Variants in PRSS36 observed in about 807,000 individuals in gnomAD.
The protein encoded by PRSS36 is serine protease 36.
A neutral mutation model predicts 94.3 loss-of-function variants in PRSS36; 90 were observed. The ratio of observed to expected loss-of-function variants is 0.95; its 90% confidence interval spans 0.80 to 1.14. The LOEUF is 1.14. Among genes scored for constraint, PRSS36 ranks in the 50% most tolerant of loss-of-function variants. The pLI is 0.00. For missense variants in PRSS36, 1,158 were observed against 1,135.0 expected (o/e 1.02, Z -0.29); for synonymous variants, 500 against 489.6 (o/e 1.02, Z -0.28).
intron 1 of PRSS36, 57 bp downstream of exon 1, chr16:31,149,942 G>A (rs1402540776): frequency 9.4e-6 from 15 of 1,594,628 alleles, no homozygotes; most frequent in Non-Finnish European, 1.3e-5. Flanking sequence ...CTGCTCTCCA[G>A]CCCCCCAGAT....
intron 6 of PRSS36, among the ~76,000 whole-genome samples, chr16:31,145,095 C>T (rs1032613900): frequency 7.3e-5 from 11 of 151,244 alleles, no homozygotes; most frequent in Non-Finnish European, 1.0e-4. Context: ...CTCGGCCGGG[C>T]GCGGTGGCTC....
At chr16:31,147,628 C>A (rs1291895003) in intron 5 of PRSS36, among the ~76,000 whole-genome samples, 2 of 152,138 alleles carry the variant, frequency 1.3e-5, no homozygotes, top group African/African-American at 4.8e-5. Context: ...GCTTGTCTAT[C>A]TCCTAGGATG....
chr16:31,140,736 AG>A lies in PRSS36; in HGVS notation c.1922del (p.Pro641LeufsTer45), dbSNP rs1478705760. On this transcript the variant is annotated frameshift_variant, in exon 13 of 15. Coordinates refer to ENST00000268281, the MANE Select transcript of PRSS36 (RefSeq NM_173502.5). LOFTEE classifies it high-confidence loss of function. ...CVLRPGSTTV[P>X]YIEVYLGRAG... is the part of the protein sequence containing the mutation. ...CCCGGCCCAGATACACTTCAATGTA[AG>A]GCACTGTTGTAGAGCCTGGCCTGTT... 1 of 1,614,028 alleles carries A rather than the reference AG, an allele frequency of 6.2e-7. No individual in the cohort carries two copies. Among genetic ancestry groups the A allele is most frequent in the East Asian group, 2.2e-5 (1 of 44,876 alleles).
At chr16:31,144,774 G>A (rs1374634684) in intron 6 of PRSS36, among the ~76,000 whole-genome samples, 2 of 151,916 alleles carry the variant, frequency 1.3e-5, no homozygotes, top group African/African-American at 2.4e-5. Context: ...TGGGCAACAA[G>A]AGCAAAACTC....
rs767432577 is a variant in PRSS36, at chr16:31,148,496, A to G, written c.452T>C (p.Leu151Pro). 2.5e-6 allele frequency: 4 copies of G among 1,580,350 alleles called. No individual in the cohort carries two copies. The highest frequency in any genetic ancestry group is 3.4e-6 in the Non-Finnish European group (4 of 1,168,336). The change falls in exon 5 of 15, where the codon CTG becomes CCG. Residue 151 changes from leucine (L) to proline (P), a missense_variant. Transcript: ENST00000268281. Reference protein sequence around the residue: ...ALLRLASPASLGPAVWPVCLP... With the variant: ...ALLRLASPASPGPAVWPVCLP... ...GCAGACAGGCCACACGGCGGGGCCC[A>G]GGCTGGCGGGTGAGGCCAGGCGCAG...
chr16:31,143,987 C>T (rs1189635275), intron 6 of PRSS36, 150 bp from the exon 7 acceptor site: 1 of 1,000,548 alleles, frequency 1.0e-6, no homozygotes, highest in Non-Finnish European at 1.4e-6. Flanking sequence ...CCCTGCGGCT[C>T]TAAACAGAAG....
At position 31,139,067 on chromosome 16, in the gene PRSS36, C is replaced by A; in HGVS notation, c.*71G>T. ...GCCCTTGAGGTTCCAGCCGGCTGGG[C>A]CACATTCCAGCCCCACTGGGCGGGA... On this transcript the variant is annotated 3_prime_UTR_variant, in exon 15 of 15. Transcript: ENST00000268281. The A allele has an allele frequency of 6.7e-7, 1 of 1,483,704 alleles. No homozygotes were observed. 91.9% of individuals were successfully genotyped at this position (1,483,704 alleles called of 1,614,324 possible).
Position 31,149,107 on chromosome 16 carries a change from A to AG in PRSS36, c.237dup (p.Ser80LeufsTer163). 6.3e-7 allele frequency: 1 copy of AG among 1,591,298 alleles called. No homozygotes were observed. Among genetic ancestry groups the AG allele is most frequent in the Non-Finnish European group, 8.5e-7 (1 of 1,170,792 alleles). ...CAGTGAGCAGCGGAGAGGACCCAGG[A>AG]GGGGGCGATGAGGGAGCCCCCGCAG... On this transcript the variant is annotated frameshift_variant, in exon 4 of 15. Coordinates refer to ENST00000268281, the MANE Select transcript of PRSS36 (RefSeq NM_173502.5). LOFTEE classifies it high-confidence loss of function.
At chr16:31,140,208 A>G in intron 14 of PRSS36, 86 bp downstream of exon 14, 1 of 1,427,996 alleles carries the variant, frequency 7.0e-7, no homozygotes, top group Non-Finnish European at 9.3e-7. Flanking sequence ...AAAAAAAAAA[A>G]AATTCCAATT....
In PRSS36 at chr16:31,150,025, T is replaced by G. The variant is rs1327337467; in HGVS notation, c.11A>C (p.His4Pro). The G allele has an allele frequency of 6.2e-7, 1 of 1,613,774 alleles. No homozygotes were observed. Among genetic ancestry groups the G allele is most frequent in the Non-Finnish European group, 8.5e-7 (1 of 1,179,976 alleles). The change falls in exon 1 of 15, where the codon CAC (histidine) becomes CCC (proline). Residue 4 changes from histidine (H) to proline (P), a missense_variant. Physicochemically the swap from His to Pro is moderately conservative, Grantham distance 77 (BLOSUM62 -2). Coordinates refer to ENST00000268281, the MANE Select transcript of PRSS36 (RefSeq NM_173502.5). MAR[H>P]LLLPLVMLVI... ...AAGCATCACAAGGGGGAGGAGCAGG[T>G]GCCGGGCCATGGCGCTAGAGTCAGC...
chr16:31,140,483 GGGTCTCACCTC>G lies in PRSS36; in HGVS notation c.2165_2167+8del. The G allele has an allele frequency of 6.3e-7, 1 of 1,590,582 alleles. No homozygotes were observed. Among genetic ancestry groups the G allele is most frequent in the Admixed American group, 1.7e-5 (1 of 58,362 alleles). On this transcript the variant is annotated splice_donor_variant and splice_donor_5th_base_variant and coding_sequence_variant and intron_variant, in exon 13 of 15. Transcript: ENST00000268281. LOFTEE classifies it high-confidence loss of function. ...GCTACTCCTCGTTCCCGTGACCCAGGGGTCTCACCTCGGTCCTGGGGTTCTTTCCAGCCCAA... is the reference window on the plus strand; with the variant it reads ...GCTACTCCTCGTTCCCGTGACCCAGGGGTCCTGGGGTTCTTTCCAGCCCAA...
Position 31,149,794 on chromosome 16 carries a change from A to G in PRSS36, c.38-63T>C, listed in dbSNP as rs367968884. ...TCGCACTCAGTATGTGCCCTCCCTG[A>G]CTCCCTCCCCCAGCCTCCTAGCCTC... is the stretch of plus-strand genomic sequence containing the variant. On this transcript the variant is annotated intron_variant, in intron 1 of 14. Coordinates refer to ENST00000268281, the MANE Select transcript of PRSS36 (RefSeq NM_173502.5). The G allele has an allele frequency of 6.2e-6, 10 of 1,607,476 alleles. No individual in the cohort carries two copies. In the East Asian group the frequency reaches 2.2e-4, roughly 36 times the overall value.
Position 31,142,658 on chromosome 16 carries a change from G to T in PRSS36, c.1358-14C>A. ...CAAGCGCGGGTTCTGGAAGGGAAAA[G>T]GCAGGGAGCCCGCGCTGCGGCCCAG... On this transcript the variant is annotated splice_polypyrimidine_tract_variant and intron_variant, in intron 9 of 14. Transcript: ENST00000268281. 1 of 1,432,530 alleles carries T rather than the reference G, an allele frequency of 7.0e-7. No individual in the cohort carries two copies. The highest frequency in any genetic ancestry group is 9.1e-7 in the Non-Finnish European group (1 of 1,093,596). The allele number at this position is 1,432,530 out of a possible 1,614,324, so 88.7% of individuals were successfully genotyped here.
At position 31,143,798 on chromosome 16, in the gene PRSS36, G is replaced by A. The variant is rs745756648; in HGVS notation, c.760C>T (p.Arg254Cys). 6.8e-6 allele frequency: 11 copies of A among 1,613,794 alleles called. No homozygotes were observed. Among genetic ancestry groups the A allele is most frequent in the South Asian group, 1.1e-5 (1 of 91,086 alleles). Reference protein sequence around the residue: ...GGPLVCEEGGRWFQAGITSFG... With the variant: ...GGPLVCEEGGCWFQAGITSFG... Reference sequence around the variant, plus strand: ...CTGGTGATTCCTGCCTGGAACCAGCGGCCGCCTTCCTCACAGACCAGGGGC... The same window carrying A: ...CTGGTGATTCCTGCCTGGAACCAGCAGCCGCCTTCCTCACAGACCAGGGGC... Residue 254 changes from arginine to cysteine, a missense_variant, in exon 7 of 15, where the codon CGC (arginine) becomes TGC (cysteine). Transcript: ENST00000268281.
intron 6 of PRSS36, among the ~76,000 whole-genome samples, chr16:31,145,437 A>G (rs2057784094): frequency 6.6e-6 from 1 of 151,678 alleles, no homozygotes; most frequent in Non-Finnish European, 1.5e-5. Context: ...AAATAAATAA[A>G]TACATAAATA....
chr16:31,145,831 C>T lies in PRSS36; in HGVS notation c.678G>A (p.Met226Ile), dbSNP rs2057790856. The T allele has an allele frequency of 6.2e-7, 1 of 1,613,946 alleles. No individual in the cohort carries two copies. Among genetic ancestry groups the T allele is most frequent in the South Asian group, 1.1e-5 (1 of 91,094 alleles). ...FNLTLQILPGMLCAGYPEGRR... is the reference protein window; with the variant it reads ...FNLTLQILPGILCAGYPEGRR... ...GGCCCTCTGGGTAGCCAGCACACAG[C>T]ATCCCTGGCAATATCTGGAGAGTGA... Residue 226 changes from methionine (M) to isoleucine (I), a missense_variant, in exon 6 of 15, where the codon ATG (methionine) becomes ATA (isoleucine). Transcript: ENST00000268281.
Position 31,140,539 on chromosome 16 carries a change from G to C in PRSS36, c.2120C>G (p.Pro707Arg). 1 of 1,579,918 alleles carries C rather than the reference G, an allele frequency of 6.3e-7. No individual in the cohort carries two copies. The highest frequency in any genetic ancestry group is 1.3e-5 in the African/African-American group (1 of 74,436). ...GCCCAACACCCAGCAGCTGGCCCCC[G>C]GGGGGATACCCGCCGGGTGGAGACA... ...PICLHPAGIP[P>R]GASCWVLGWK... The change falls in exon 13 of 15, where the codon CCG (proline) becomes CGG (arginine). Residue 707 changes from proline (P) to arginine (R), a missense_variant. Transcript: ENST00000268281.
chr16:31,145,465 G>A (rs573313753), intron 6 of PRSS36, among the ~76,000 whole-genome samples: 5 of 151,466 alleles, frequency 3.3e-5, no homozygotes, highest in Admixed American at 1.3e-4. Flanking sequence ...TTGGCCAGGC[G>A]CAAGTGAATG....
Position 31,143,447 on chromosome 16 carries a change from C to T in PRSS36, c.995G>A (p.Gly332Glu). 1 of 1,611,018 alleles carries T rather than the reference C, an allele frequency of 6.2e-7. No homozygotes were observed. Among genetic ancestry groups the T allele is most frequent in the South Asian group, 1.1e-5 (1 of 90,818 alleles). The change falls in exon 8 of 15, where the codon GGG becomes GAG. Residue 332 changes from glycine to glutamate, a missense_variant. Gly to Glu is a moderately conservative substitution (Grantham distance 98, BLOSUM62 -2). Transcript: ENST00000268281. ...CACCTGGGCCTCCCAGGGCCAGGCC[C>T]CTGGCCGCGGGGCCTTCCCGCACTC... is the stretch of plus-strand genomic sequence containing the variant. The part of the protein sequence containing the change: ...LPECGKAPRP[G>E]AWPWEAQVMV...
Sources: gnomAD v4.1 joint callset for allele counts (sites outside exome capture counted in the v4.1 genomes callset) on GRCh38, gnomAD v4.1.1 for gene constraint, MANE v1.5 for transcripts, NCBI Gene and HGNC (gene_info 2026-07-23, HGNC 2026-07-21) for gene names.